NKAIN2: variants seen among roughly 807,000 people sequenced by gnomAD.
The protein encoded by NKAIN2 is sodium/potassium transporting ATPase interacting 2.
A neutral mutation model predicts 32.6 loss-of-function variants in NKAIN2; 14 were observed. The ratio of observed to expected loss-of-function variants is 0.43; its 90% CI spans 0.28 to 0.67. NKAIN2 has a LOEUF of 0.67. Ranked by LOEUF, NKAIN2 falls within the 30% of genes least tolerant of loss-of-function variation. The pLI, the probability that NKAIN2 is intolerant of heterozygous loss-of-function variation, is 0.17. For synonymous variants in NKAIN2, 80 were observed against 87.2 expected, an observed-to-expected ratio of 0.92 and a Z score of 0.46; for missense variants, 198 against 258.3, an observed-to-expected ratio of 0.77 and a Z score of 1.60.
At chr6:124,016,292 C>A (rs1780570556) in intron 1 of NKAIN2, among the ~76,000 whole-genome samples, 1 of 152,106 alleles carries the variant, frequency 6.6e-6, no homozygotes, top group Admixed American at 6.6e-5. Flanking sequence ...AAGCCTCAAG[C>A]AGTTGTACTG....
intron 1 of NKAIN2, among the ~76,000 whole-genome samples, chr6:123,839,658 A>G (rs990067625): frequency 2.0e-5 from 3 of 152,172 alleles, no homozygotes; most frequent in Non-Finnish European, 4.4e-5. Flanking sequence ...CACTACAGCA[A>G]AATTGAGGTT....
chr6:124,541,481 A>G (rs149981379), intron 3 of NKAIN2, among the ~76,000 whole-genome samples: 1 of 152,316 alleles, frequency 6.6e-6, no homozygotes, highest in East Asian at 1.9e-4. Context: ...ATAACCTATA[A>G]TTATGGCCAT....
chr6:124,387,394 G>A (rs746194277), intron 3 of NKAIN2, among the ~76,000 whole-genome samples: 8 of 151,626 alleles, frequency 5.3e-5, no homozygotes, highest in Non-Finnish European at 1.2e-4. Context: ...AACTACTTCA[G>A]AATATTTAGC....
chr6:124,186,173 GAAAGAAAGAA>G (rs1789723914), intron 1 of NKAIN2, among the ~76,000 whole-genome samples: 1 of 130,306 alleles, frequency 7.7e-6, no homozygotes, highest in Admixed American at 7.7e-5. Flanking sequence ...GGGAGGGAGG[GAAAGAAAGAA>G]AGGAAGGAAG....
chr6:124,127,265 T>C (rs1437954645), intron 1 of NKAIN2, among the ~76,000 whole-genome samples: 1 of 152,110 alleles, frequency 6.6e-6, no homozygotes, highest in African/African-American at 2.4e-5. Context: ...AACACGAGCA[T>C]GTGTGCAGAC....
chr6:124,809,988 G>T (rs540546199), intron 5 of NKAIN2, among the ~76,000 whole-genome samples: 1 of 152,238 alleles, frequency 6.6e-6, no homozygotes, highest in Non-Finnish European at 1.5e-5. Flanking sequence ...GAAACAACAG[G>T]TGCTTGAGAG....
At chr6:124,726,909 T>C (rs1776351377) in intron 4 of NKAIN2, among the ~76,000 whole-genome samples, 1 of 120,160 alleles carries the variant, frequency 8.3e-6, no homozygotes, top group African/African-American at 3.2e-5. Context: ...ACGTGAAGAA[T>C]GCAGAAGCCT....
At chr6:124,557,502 A>T (rs983946139) in intron 3 of NKAIN2, among the ~76,000 whole-genome samples, 4 of 152,216 alleles carry the variant, frequency 2.6e-5, no homozygotes, top group Non-Finnish European at 5.9e-5. Flanking sequence ...AACAAAACAA[A>T]AAAAGTCCCT....
chr6:124,770,645 C>G (rs1233445154), intron 4 of NKAIN2, among the ~76,000 whole-genome samples: 1 of 151,964 alleles, frequency 6.6e-6, no homozygotes, highest in African/African-American at 2.4e-5. Context: ...TTCCCCTTTT[C>G]TTTTTACTAC....
At chr6:124,131,173 C>A (rs143212437) in intron 1 of NKAIN2, among the ~76,000 whole-genome samples, 1 of 152,158 alleles carries the variant, frequency 6.6e-6, no homozygotes, top group African/African-American at 2.4e-5. Flanking sequence ...TTGATACAGT[C>A]TTCCTCTGTC....
At chr6:124,282,205 T>C in intron 1 of NKAIN2, 1 of 313,196 alleles carries the variant, frequency 3.2e-6, no homozygotes, top group Non-Finnish European at 6.2e-6. Context: ...CTGCTTAGAT[T>C]TTTATATGTC....
At chr6:124,311,058 A>G (rs1333332635) in intron 2 of NKAIN2, among the ~76,000 whole-genome samples, 4 of 152,114 alleles carry the variant, frequency 2.6e-5, no homozygotes, top group Non-Finnish European at 5.9e-5. Flanking sequence ...TAAAGCCACA[A>G]TTTTCAAAGT....
intron 4 of NKAIN2, among the ~76,000 whole-genome samples, chr6:124,711,749 T>G (rs896339265): frequency 6.6e-6 from 1 of 152,130 alleles, no homozygotes; most frequent in Non-Finnish European, 1.5e-5. Context: ...TTCGACTTAT[T>G]TGCCTTTGGT....
At chr6:124,007,789 C>T (rs756054793) in intron 1 of NKAIN2, among the ~76,000 whole-genome samples, 132 of 152,276 alleles carry the variant, frequency 8.7e-4, no homozygotes, top group Admixed American at 1.4e-3. Flanking sequence ...CACTGGTGCA[C>T]ATTTTAATAA....
chr6:124,785,416 C>T (rs1358972711), intron 4 of NKAIN2, among the ~76,000 whole-genome samples: 5 of 152,148 alleles, frequency 3.3e-5, no homozygotes, highest in African/African-American at 9.7e-5. Context: ...GCTGTCTTTT[C>T]ATTCAGTTTG....
chr6:124,456,197 A>G (rs1043035545), intron 3 of NKAIN2, among the ~76,000 whole-genome samples: 3 of 151,980 alleles, frequency 2.0e-5, no homozygotes, highest in African/African-American at 7.2e-5. Flanking sequence ...TCTAATGTCA[A>G]TACATACAAA....
intron 4 of NKAIN2, among the ~76,000 whole-genome samples, chr6:124,736,030 A>G (rs1307302225): frequency 2.0e-5 from 3 of 151,982 alleles, no homozygotes; most frequent in African/African-American, 7.2e-5. Context: ...AAGTCAAAAC[A>G]GGATGAAAGC....
At chr6:124,655,615 C>G (rs73575528) in intron 3 of NKAIN2, among the ~76,000 whole-genome samples, 30 of 152,072 alleles carry the variant, frequency 2.0e-4, no homozygotes, top group Non-Finnish European at 4.1e-4. Context: ...ATGACAGTCC[C>G]GGGCATAATG....
At chr6:123,844,086 G>T (rs1774996286) in intron 1 of NKAIN2, among the ~76,000 whole-genome samples, 1 of 152,152 alleles carries the variant, frequency 6.6e-6, no homozygotes, top group South Asian at 2.1e-4. Flanking sequence ...TGGGGAGAAA[G>T]ATGGGTGAGA....
Sources: allele counts gnomAD v4.1 joint callset (sites outside exome capture counted in the v4.1 genomes callset), GRCh38; gene constraint gnomAD v4.1.1; transcripts MANE v1.5; gene names NCBI Gene and HGNC (gene_info 2026-07-23, HGNC 2026-07-21).